DENND1A: variants seen among roughly 807,000 people sequenced by gnomAD.
The protein encoded by DENND1A is DENN domain-containing protein 1A.
DENND1A carries 51 observed loss-of-function variants against 113.7 expected under a neutral mutation model. The ratio of observed to expected loss-of-function variants is 0.45; its 90% CI spans 0.36 to 0.57. DENND1A has a LOEUF of 0.57. DENND1A is among the 20% of genes least tolerant of loss of function. DENND1A has a pLI of 0.00. For missense variants in DENND1A, 1,258 were observed against 1,395.9 expected (o/e 0.90, Z 1.57); for synonymous variants, 565 against 570.8 (o/e 0.99, Z 0.14).
intron 1 of DENND1A, among the ~76,000 whole-genome samples, chr9:123,913,448 G>T (rs1854441455): frequency 6.6e-6 from 1 of 152,104 alleles, no homozygotes; most frequent in African/African-American, 2.4e-5. Flanking sequence ...ACAGGAAGGT[G>T]GGAGGGAACC....
At chr9:123,889,808 AC>A (rs1371459071) in intron 1 of DENND1A, among the ~76,000 whole-genome samples, 1 of 152,120 alleles carries the variant, frequency 6.6e-6, no homozygotes, top group African/African-American at 2.4e-5. Flanking sequence ...CCCCGTCTCT[AC>A]TAAAAATACA....
At chr9:123,575,357 C>T (rs900922217) in intron 12 of DENND1A, among the ~76,000 whole-genome samples, 3 of 152,196 alleles carry the variant, frequency 2.0e-5, no homozygotes, top group Non-Finnish European at 2.9e-5. Flanking sequence ...ACTCGCTGCT[C>T]ACCTCCTACT....
chr9:123,815,315 A>G (rs1242635599), intron 2 of DENND1A, among the ~76,000 whole-genome samples: 2 of 152,240 alleles, frequency 1.3e-5, no homozygotes, highest in Non-Finnish European at 2.9e-5. Flanking sequence ...CCAGCAGACG[A>G]AATATTCCTA....
intron 13 of DENND1A, among the ~76,000 whole-genome samples, chr9:123,512,060 A>G (rs1386814631): frequency 2.6e-5 from 4 of 152,210 alleles, no homozygotes; most frequent in Admixed American, 2.0e-4. Context: ...CCTGGAAACT[A>G]AAAGCTCCAA....
chr9:123,593,159 CGTCTTTGCA>C (rs1248594924), intron 11 of DENND1A, among the ~76,000 whole-genome samples: 2 of 152,282 alleles, frequency 1.3e-5, no homozygotes, highest in East Asian at 3.9e-4. Flanking sequence ...CCTTCTGAGA[CGTCTTTGCA>C]GTCCTGAGGA....
chr9:123,649,923 G>C (rs532029399), intron 9 of DENND1A, among the ~76,000 whole-genome samples: 2 of 152,330 alleles, frequency 1.3e-5, no homozygotes, highest in South Asian at 4.1e-4. Flanking sequence ...GGCTGTCGTA[G>C]TAAGGATTAA....
At chr9:123,746,991 C>T (rs1415945834) in intron 5 of DENND1A, among the ~76,000 whole-genome samples, 1 of 152,064 alleles carries the variant, frequency 6.6e-6, no homozygotes, top group Non-Finnish European at 1.5e-5. Flanking sequence ...TACTAGCAAA[C>T]ATACATTCTT....
chr9:123,464,819 CACTG>C (rs1019777618), intron 13 of DENND1A, among the ~76,000 whole-genome samples: 3 of 151,384 alleles, frequency 2.0e-5, no homozygotes, highest in Non-Finnish European at 4.4e-5. Flanking sequence ...GAGATGGGTT[CACTG>C]ACTTTGTATA....
At chr9:123,505,108 C>T (rs1447194636) in intron 13 of DENND1A, among the ~76,000 whole-genome samples, 1 of 152,204 alleles carries the variant, frequency 6.6e-6, no homozygotes, top group African/African-American at 2.4e-5. Context: ...AATTTGGCAT[C>T]AATACCCAAC....
intron 5 of DENND1A, among the ~76,000 whole-genome samples, chr9:123,719,687 A>G (rs1378513048): frequency 2.6e-5 from 4 of 152,118 alleles, no homozygotes; most frequent in African/African-American, 9.7e-5. Context: ...GATAATCCTG[A>G]GGATGGGACC....
At chr9:123,598,097 C>T (rs1305939231) in intron 11 of DENND1A, among the ~76,000 whole-genome samples, 1 of 152,172 alleles carries the variant, frequency 6.6e-6, no homozygotes, top group South Asian at 2.1e-4. Flanking sequence ...GATCTTCACT[C>T]GGCAGGTGGC....
At chr9:123,438,297 C>T (rs149536439) in intron 19 of DENND1A, among the ~76,000 whole-genome samples, 2 of 152,244 alleles carry the variant, frequency 1.3e-5, no homozygotes, top group East Asian at 3.9e-4. Context: ...TGGCTCAAGC[C>T]CCCCTCCCTC....
intron 5 of DENND1A, among the ~76,000 whole-genome samples, chr9:123,712,711 G>T (rs1304422704): frequency 2.6e-5 from 4 of 152,172 alleles, no homozygotes; most frequent in Non-Finnish European, 5.9e-5. Flanking sequence ...ACTGGGTTTA[G>T]GAGAGAAATT....
chr9:123,783,692 C>G (rs1831668083), intron 3 of DENND1A, among the ~76,000 whole-genome samples: 1 of 152,188 alleles, frequency 6.6e-6, no homozygotes, highest in South Asian at 2.1e-4. Flanking sequence ...CAGTCTCACT[C>G]CAAAGTCCAA....
In DENND1A at chr9:123,422,685, A is replaced by G. The variant is rs187990112; in HGVS notation, c.1489-10856T>C. ...TTTTCTTCAGCTTCAAATGAAGAAT[A>G]TCAGAAGGCTGGGGGAATATGCGGC... is the stretch of plus-strand genomic sequence containing the variant. On this transcript the variant is annotated intron_variant, in intron 19 of 23. Coordinates refer to ENST00000394215, the MANE Select transcript of DENND1A (RefSeq NM_001352964.2). This position sits in a 1 kb window ranked among gnomAD's most constrained non-coding sequence, Gnocchi z 4.8. Among the ~76,000 whole-genome samples the G allele has an allele frequency of 2.0e-5, 3 of 152,266 alleles. No homozygotes were observed. The highest frequency in any genetic ancestry group is 7.2e-5 in the African/African-American group (3 of 41,480).
At chr9:123,623,888 TGTCCAGAA>T (rs2061073468) in intron 10 of DENND1A, among the ~76,000 whole-genome samples, 1 of 152,202 alleles carries the variant, frequency 6.6e-6, no homozygotes, top group Non-Finnish European at 1.5e-5. Flanking sequence ...AACATGTCTT[TGTCCAGAA>T]GTCAACGAAG....
At chr9:123,582,096 G>A (rs1376450419) in intron 12 of DENND1A, among the ~76,000 whole-genome samples, 2 of 152,098 alleles carry the variant, frequency 1.3e-5, no homozygotes, top group Non-Finnish European at 2.9e-5. Context: ...GCAATGCGGA[G>A]GGTGCACAGC....
chr9:123,508,184 A>G (rs879779575), intron 13 of DENND1A, among the ~76,000 whole-genome samples: 1 of 152,232 alleles, frequency 6.6e-6, no homozygotes, highest in African/African-American at 2.4e-5. Flanking sequence ...CTAAAATGAA[A>G]CTGGAAAAGT....
chr9:123,833,340 C>T (rs995415607), intron 2 of DENND1A, among the ~76,000 whole-genome samples: 3 of 151,924 alleles, frequency 2.0e-5, no homozygotes, highest in Non-Finnish European at 4.4e-5. Flanking sequence ...TCCTGTTTTT[C>T]ATGTTATAAA....
Sources: gnomAD v4.1 joint callset for allele counts (sites outside exome capture counted in the v4.1 genomes callset) on GRCh38, gnomAD v4.1.1 for gene constraint, Gnocchi (gnomAD v3.1) non-coding constraint, MANE v1.5 for transcripts, NCBI Gene and HGNC (gene_info 2026-07-23, HGNC 2026-07-21) for gene names.